SRGAP3: variants seen among roughly 807,000 people sequenced by gnomAD.
SRGAP3 encodes the protein SLIT-ROBO Rho GTPase-activating protein 3.
A neutral mutation model predicts 121.1 loss-of-function variants in SRGAP3; 39 were observed. The ratio of observed to expected loss-of-function variants is 0.32; its 90% CI spans 0.25 to 0.42. The LOEUF is 0.42. Ranked by LOEUF, SRGAP3 falls within the 10% of genes least tolerant of loss-of-function variation. SRGAP3 has a pLI of 1.00. For missense variants in SRGAP3, 1,213 were observed against 1,470.6 expected, an observed-to-expected ratio of 0.82 and a Z score of 2.86; for synonymous variants, 601 against 570.0, an observed-to-expected ratio of 1.05 and a Z score of -0.77.
chr3:9,219,136 A>C (rs1410214245), intron 1 of SRGAP3: 1 of 152,154 alleles, frequency 6.6e-6, no homozygotes, highest in Non-Finnish European at 1.5e-5. Flanking sequence ...TGCCTGGCCA[A>C]AAGCTGTCTT....
At chr3:9,094,059 A>G (rs1348336608) in intron 3 of SRGAP3, among the ~76,000 whole-genome samples, 1 of 152,194 alleles carries the variant, frequency 6.6e-6, no homozygotes, top group Non-Finnish European at 1.5e-5. Context: ...AATGTTATAG[A>G]TACACTAGAA....
In SRGAP3 at chr3:9,171,816, A is replaced by C. The variant is rs78823492; in HGVS notation, c.68-46899T>G. On this transcript the variant is annotated intron_variant, in intron 1 of 21. Transcript: ENST00000383836. ...ATAGCATCTCGGACTGAGTGACTTA[A>C]GCAGCCGAAATGTATTGCCTCGGTT... is the stretch of plus-strand genomic sequence containing the variant. Among the ~76,000 whole-genome samples, 937 of 152,180 alleles carry C rather than the reference A, an allele frequency of 6.2e-3. 14 individuals carry two copies. Among genetic ancestry groups the C allele is most frequent in the African/African-American group, 0.021 (882 of 41,534 alleles).
At chr3:9,066,779 G>A (rs1946453922) in intron 4 of SRGAP3, among the ~76,000 whole-genome samples, 1 of 152,200 alleles carries the variant, frequency 6.6e-6, no homozygotes, top group Non-Finnish European at 1.5e-5. Context: ...GATTACAGGC[G>A]TGAGCCACCA....
At chr3:9,126,388 T>A (rs1237686733) in intron 1 of SRGAP3, among the ~76,000 whole-genome samples, 1 of 152,130 alleles carries the variant, frequency 6.6e-6, no homozygotes, top group Non-Finnish European at 1.5e-5. Context: ...TCCCAGCACT[T>A]TGGGAGGCCG....
intron 18 of SRGAP3, among the ~76,000 whole-genome samples, chr3:9,010,059 G>C (rs1422755028): frequency 1.3e-5 from 2 of 152,358 alleles, no homozygotes; most frequent in African/African-American, 4.8e-5. Context: ...ATTAAGGAAT[G>C]AAGTGGGCTA....
intron 12 of SRGAP3, among the ~76,000 whole-genome samples, chr3:9,031,265 C>A (rs2125088156): frequency 6.6e-6 from 1 of 152,288 alleles, no homozygotes; most frequent in Non-Finnish European, 1.5e-5. Flanking sequence ...TGGACCATGG[C>A]TCTTTTATGG....
intron 1 of SRGAP3, among the ~76,000 whole-genome samples, chr3:9,182,266 T>A (rs1341629630): frequency 6.7e-6 from 1 of 150,278 alleles, no homozygotes; most frequent in Non-Finnish European, 1.5e-5. Flanking sequence ...ATGAAAAGGC[T>A]CTTATAGAGG....
intron 1 of SRGAP3, among the ~76,000 whole-genome samples, chr3:9,145,343 A>G (rs976441580): frequency 6.6e-6 from 1 of 151,910 alleles, no homozygotes; most frequent in Admixed American, 6.5e-5. Context: ...TGGTCCACTT[A>G]CCTTGGCCTC....
intron 3 of SRGAP3, among the ~76,000 whole-genome samples, chr3:9,289,555 T>G (rs1954838072): frequency 6.6e-6 from 1 of 152,208 alleles, no homozygotes; most frequent in Admixed American, 6.5e-5. Flanking sequence ...AACAGTTTAC[T>G]TGTAGTTACA....
chr3:9,026,856 T>C (rs1187305356), intron 13 of SRGAP3, 79 bp downstream of exon 13: 17 of 1,508,446 alleles, frequency 1.1e-5, no homozygotes, highest in Non-Finnish European at 1.6e-5. Flanking sequence ...CAGGACAAAT[T>C]AGAATCTCAT....
chr3:9,356,192 CTTTT>C (rs929664300), intron 1 of SRGAP3, among the ~76,000 whole-genome samples: 1 of 122,298 alleles, frequency 8.2e-6, no homozygotes, highest in Non-Finnish European at 1.8e-5. Flanking sequence ...ACTTTTTTTT[CTTTT>C]TTTTTTTTTT....
intron 3 of SRGAP3, among the ~76,000 whole-genome samples, chr3:9,273,574 T>C (rs1954519895): frequency 6.6e-6 from 1 of 152,226 alleles, no homozygotes; most frequent in Admixed American, 6.5e-5. Flanking sequence ...TGTCCTTTGA[T>C]GCACAAAAGT....
At chr3:9,086,756 C>T (rs1381898678) in intron 3 of SRGAP3, among the ~76,000 whole-genome samples, 3 of 148,134 alleles carry the variant, frequency 2.0e-5, no homozygotes, top group Non-Finnish European at 4.5e-5. Context: ...ATATGTATTA[C>T]ATATACATAT....
chr3:9,171,843 TG>T (rs1447531862), intron 1 of SRGAP3, among the ~76,000 whole-genome samples: 2 of 151,948 alleles, frequency 1.3e-5, no homozygotes, highest in African/African-American at 4.8e-5. Context: ...GCCTCGGTTC[TG>T]GGGGCCGGAA....
intron 3 of SRGAP3, chr3:9,292,548 GTTTT>G (rs1309198856): frequency 6.6e-6 from 1 of 152,052 alleles, no homozygotes; most frequent in African/African-American, 2.4e-5. Context: ...GCTTTGAAAT[GTTTT>G]TTGTCTATCA....
chr3:9,252,753 C>G (rs1954046703), upstream of SRGAP3, among the ~76,000 whole-genome samples: 1 of 152,172 alleles, frequency 6.6e-6, no homozygotes, highest in South Asian at 2.1e-4. Context: ...GACTCCTCCT[C>G]TGTGAGCCCA....
intron 3 of SRGAP3, among the ~76,000 whole-genome samples, chr3:9,316,003 G>A (rs1309060183): frequency 6.6e-6 from 1 of 152,160 alleles, no homozygotes; most frequent in Non-Finnish European, 1.5e-5. Flanking sequence ...TGGATCACAG[G>A]TTAGAGTCAA....
intron 1 of SRGAP3, among the ~76,000 whole-genome samples, chr3:9,152,557 C>T (rs1439004106): frequency 6.6e-6 from 1 of 152,226 alleles, no homozygotes; most frequent in Admixed American, 6.5e-5. Flanking sequence ...TCTGCAGAGA[C>T]AGAGGCTGGA....
At chr3:9,016,271 A>C (rs776752225) in intron 14 of SRGAP3, among the ~76,000 whole-genome samples, 8 of 152,108 alleles carry the variant, frequency 5.3e-5, no homozygotes, top group Admixed American at 1.3e-4. Flanking sequence ...CATTCACACA[A>C]TTCATTTGGT....
Sources: gnomAD v4.1 joint callset for allele counts (sites outside exome capture counted in the v4.1 genomes callset) on GRCh38, gnomAD v4.1.1 for gene constraint, MANE v1.5 for transcripts, NCBI Gene and HGNC (gene_info 2026-07-23, HGNC 2026-07-21) for gene names.